Variants in SLC25A48 observed in about 807,000 individuals in gnomAD.
SLC25A48 encodes the protein CTC-321K16.1.
In SLC25A48, 29 loss-of-function variants were observed where a neutral mutation model predicts 32.2. The ratio of observed to expected loss-of-function variants is 0.90; its 90% CI spans 0.67 to 1.23. The LOEUF (loss-of-function observed/expected upper bound fraction) is 1.23, where lower values mean the gene tolerates loss of function less well. Ranked by LOEUF, SLC25A48 falls within the 50% of genes most tolerant of loss-of-function variation. The pLI, the probability that SLC25A48 is intolerant of heterozygous loss-of-function variation, is 0.00. For missense variants in SLC25A48, 399 were observed against 422.7 expected, an observed-to-expected ratio of 0.94 and a Z score of 0.49; for synonymous variants, 164 against 172.3, an observed-to-expected ratio of 0.95 and a Z score of 0.38.
intron 3 of SLC25A48, among the ~76,000 whole-genome samples, chr5:135,794,685 C>T (rs1239114054): frequency 6.7e-6 from 1 of 148,632 alleles, no homozygotes; most frequent in Admixed American, 6.7e-5. Flanking sequence ...ATCTAATAGC[C>T]GGGGGGAGAG....
chr5:135,693,961 G>GA (rs1554122340), intron 3 of SLC25A48, among the ~76,000 whole-genome samples: 2 of 9,332 alleles, frequency 2.1e-4, no homozygotes, highest in East Asian at 2.4e-3. Flanking sequence ...ACATTCTGGA[G>GA]AAAAAAAAGC....
At chr5:135,695,550 C>T (rs11746356) in intron 3 of SLC25A48, among the ~76,000 whole-genome samples, 78,519 of 151,914 alleles carry the variant, frequency 0.52, 21,221 homozygotes, top group South Asian at 0.61. Flanking sequence ...GATGCATGCA[C>T]AGGCCTCGGT....
chr5:135,846,771 A>G (rs1759459056), intron 2 of SLC25A48, among the ~76,000 whole-genome samples: 1 of 152,190 alleles, frequency 6.6e-6, no homozygotes, highest in Non-Finnish European at 1.5e-5. Context: ...AGGACCAAAG[A>G]AAGTGTCAGA....
chr5:135,851,849 C>T (rs1759894458), intron 3 of SLC25A48, among the ~76,000 whole-genome samples: 1 of 152,102 alleles, frequency 6.6e-6, no homozygotes, highest in South Asian at 2.1e-4. Context: ...GGGACCGAAC[C>T]CGGCCTGCAG....
chr5:135,581,298 A>G (rs1459980160), intron 1 of SLC25A48, among the ~76,000 whole-genome samples: 6 of 152,202 alleles, frequency 3.9e-5, no homozygotes, highest in African/African-American at 1.4e-4. Context: ...TTACCCTCTT[A>G]CAACCAATGC....
intron 4 of SLC25A48, among the ~76,000 whole-genome samples, chr5:135,821,365 C>T (rs964312221): frequency 7.9e-5 from 12 of 152,292 alleles, no homozygotes; most frequent in Admixed American, 5.9e-4. Flanking sequence ...CAGCTGAAAG[C>T]GAGTGACAAG....
intron 3 of SLC25A48, among the ~76,000 whole-genome samples, chr5:135,702,592 C>G (rs564258241): frequency 6.6e-6 from 1 of 152,364 alleles, no homozygotes; most frequent in Admixed American, 6.5e-5. Context: ...GTTTGTGGTA[C>G]TTTGTGATGA....
At chr5:135,871,092 C>T (rs1032624399) in intron 4 of SLC25A48, among the ~76,000 whole-genome samples, 2 of 135,620 alleles carry the variant, frequency 1.5e-5, no homozygotes, top group African/African-American at 5.5e-5. Flanking sequence ...CACACACACA[C>T]ACACACACAC....
chr5:135,764,152 A>T (rs889498054), intron 3 of SLC25A48, among the ~76,000 whole-genome samples: 13 of 151,916 alleles, frequency 8.6e-5, no homozygotes, highest in Non-Finnish European at 1.6e-4. Flanking sequence ...GAGGTAGAGG[A>T]TGATATTTCT....
chr5:135,612,542 C>T lies in SLC25A48; in HGVS notation c.-848-16695C>T, dbSNP rs561590055. 3.9e-5 allele frequency among the ~76,000 whole-genome samples: 6 copies of T among 152,330 alleles called. No homozygotes were observed. In the South Asian group the frequency reaches 8.3e-4, roughly 21 times the overall value. ...TCATCTCTCCACCCCTGCCCTGCCA[C>T]GTACACACCCTTCCCAGCCTCTGGT... On this transcript the variant is annotated intron_variant, in intron 1 of 10. Transcript: ENST00000646290.
At chr5:135,826,898 C>G (rs1758073291) in intron 4 of SLC25A48, 1 of 152,322 alleles carries the variant, frequency 6.6e-6, no homozygotes, top group South Asian at 2.1e-4. Context: ...CTAGACCCAT[C>G]TTGCTCTCTC....
intron 1 of SLC25A48, among the ~76,000 whole-genome samples, chr5:135,627,988 G>C (rs1027245982): frequency 6.6e-6 from 1 of 152,186 alleles, no homozygotes; most frequent in East Asian, 1.9e-4. Flanking sequence ...CACTGAGAAT[G>C]CTGAGGCATG....
At chr5:135,590,164 C>A (rs1270128245) in intron 1 of SLC25A48, among the ~76,000 whole-genome samples, 4 of 152,196 alleles carry the variant, frequency 2.6e-5, no homozygotes, top group Admixed American at 1.3e-4. Context: ...ATATCCATGG[C>A]AAGATAAAAC....
chr5:135,810,087 C>T (rs554666059), intron 3 of SLC25A48, among the ~76,000 whole-genome samples: 3 of 152,316 alleles, frequency 2.0e-5, no homozygotes, highest in East Asian at 1.9e-4. Flanking sequence ...ATCCTCGAGT[C>T]GCAGCCTCCC....
At chr5:135,710,219 C>A (rs893959426) in intron 3 of SLC25A48, among the ~76,000 whole-genome samples, 15 of 152,348 alleles carry the variant, frequency 9.8e-5, no homozygotes, top group African/African-American at 3.6e-4. Context: ...CTGCAAAGGG[C>A]AGCTGGTTTT....
chr5:135,757,491 A>G (rs1006417853), intron 3 of SLC25A48, among the ~76,000 whole-genome samples: 6 of 149,408 alleles, frequency 4.0e-5, no homozygotes, highest in Non-Finnish European at 8.9e-5. Flanking sequence ...AATATCATCT[A>G]TATGATATTT....
intron 1 of SLC25A48, among the ~76,000 whole-genome samples, chr5:135,580,629 A>T (rs1233043893): frequency 1.3e-5 from 2 of 152,144 alleles, no homozygotes; most frequent in Non-Finnish European, 2.9e-5. Context: ...TATGCATGAG[A>T]TGAGTATGAG....
chr5:135,630,555 A>G (rs1752532490), intron 2 of SLC25A48, among the ~76,000 whole-genome samples: 1 of 139,582 alleles, frequency 7.2e-6, no homozygotes, highest in South Asian at 2.6e-4. Context: ...AGGATAAGAG[A>G]TGAAAGCAGG....
At chr5:135,717,448 A>G (rs1374674444) in intron 3 of SLC25A48, among the ~76,000 whole-genome samples, 1 of 152,190 alleles carries the variant, frequency 6.6e-6, no homozygotes, top group African/African-American at 2.4e-5. Flanking sequence ...ATTTGCCCCC[A>G]AAAGATATGG....
Sources: gnomAD v4.1 joint callset for allele counts (sites outside exome capture counted in the v4.1 genomes callset) on GRCh38, gnomAD v4.1.1 for gene constraint, MANE v1.5 for transcripts, NCBI Gene and HGNC (gene_info 2026-07-23, HGNC 2026-07-21) for gene names.